The following PIK3C2G variants were observed in gnomAD, a reference collection of about 807,000 sequenced individuals.
PIK3C2G encodes phosphatidylinositol-4-phosphate 3-kinase catalytic subunit type 2 gamma.
In PIK3C2G, 168 loss-of-function variants were observed where a neutral mutation model predicts 181.1. The observed-to-expected ratio is 0.93, with a 90% CI of 0.82 to 1.05. The LOEUF (loss-of-function observed/expected upper bound fraction) is 1.05. Ranked by LOEUF, PIK3C2G falls within the 50% of genes least tolerant of loss-of-function variation. PIK3C2G has a pLI of 0.00. For synonymous variants in PIK3C2G, 573 were observed against 592.2 expected (o/e 0.97, Z 0.47); for missense variants, 1,869 against 1,732.8 (o/e 1.08, Z -1.40).
chr12:18,350,764 A>G lies in PIK3C2G; in HGVS notation c.1625+3928A>G, dbSNP rs570350056. Among the ~76,000 whole-genome samples, 22 of 152,320 alleles carry G rather than the reference A, an allele frequency of 1.4e-4. 1 individual carries two copies. In the South Asian group the frequency reaches 4.6e-3, roughly 32 times the overall value. ...ACATAATGGACTCTGAATCAAGAGC[A>G]TCATTAAATATAAAGTCCTGACATG... On this transcript the variant is annotated intron_variant, in intron 11 of 32. Coordinates refer to ENST00000538779, the MANE Select transcript of PIK3C2G (RefSeq NM_001288772.2).
At chr12:18,325,723 A>AG (rs1555161642) in intron 8 of PIK3C2G, among the ~76,000 whole-genome samples, 15 of 150,966 alleles carry the variant, frequency 9.9e-5, no homozygotes, top group South Asian at 6.3e-4. Flanking sequence ...AAAAAAAAAA[A>AG]AGAGAGAGAG....
At chr12:18,689,207 A>T in the PIK3C2G span, among the ~76,000 whole-genome samples, 1 of 152,134 alleles carries the variant, frequency 6.6e-6, no homozygotes, top group Non-Finnish European at 1.5e-5. Flanking sequence ...GACCCGCTAA[A>T]TATCACTTTA....
the PIK3C2G span, chr12:18,715,827 G>T: frequency 6.6e-6 from 1 of 152,166 alleles, no homozygotes; most frequent in African/African-American, 2.4e-5. Context: ...TTGTTTGTTT[G>T]TTTGTTTAAG....
intron 24 of PIK3C2G, among the ~76,000 whole-genome samples, chr12:18,513,289 A>G (rs1016380362): frequency 2.0e-5 from 3 of 151,794 alleles, no homozygotes; most frequent in African/African-American, 7.2e-5. Flanking sequence ...TGGGTTTGAT[A>G]TCAAGATAAT....
intron 19 of PIK3C2G, among the ~76,000 whole-genome samples, chr12:18,490,810 T>C (rs1210157336): frequency 6.6e-6 from 1 of 152,178 alleles, no homozygotes; most frequent in Non-Finnish European, 1.5e-5. Context: ...TTATTTCCTA[T>C]CTCTTTTGTC....
At chr12:18,474,059 A>T (rs1938725589) in intron 18 of PIK3C2G, among the ~76,000 whole-genome samples, 1 of 152,174 alleles carries the variant, frequency 6.6e-6, no homozygotes, top group African/African-American at 2.4e-5. Flanking sequence ...TAGTATTCAA[A>T]CTGCCTATTT....
intron 5 of PIK3C2G, among the ~76,000 whole-genome samples, chr12:18,295,677 A>ATGTACATGTTAAT (rs1210287126): frequency 6.6e-6 from 1 of 152,004 alleles, no homozygotes; most frequent in African/African-American, 2.4e-5. Flanking sequence ...AAGATAGGAA[A>ATGTACATGTTAAT]GTTGCCAAAT....
chr12:18,570,608 A>G (rs749066446), intron 29 of PIK3C2G, among the ~76,000 whole-genome samples: 4 of 150,330 alleles, frequency 2.7e-5, no homozygotes, highest in Admixed American at 1.3e-4. Flanking sequence ...ATTGCAGTAT[A>G]GGGCATTATC....
At chr12:18,315,376 C>T (rs1950815991) in intron 6 of PIK3C2G, among the ~76,000 whole-genome samples, 1 of 151,964 alleles carries the variant, frequency 6.6e-6, no homozygotes, top group Admixed American at 6.6e-5. Flanking sequence ...ACTTAAGATT[C>T]TTCAAATTGC....
intron 13 of PIK3C2G, 62 bp downstream of exon 13, chr12:18,371,373 T>C: frequency 7.2e-7 from 1 of 1,390,600 alleles, no homozygotes; most frequent in Non-Finnish European, 9.8e-7. Flanking sequence ...TAGAAGTAAA[T>C]ATTTTGGAGT....
At chr12:18,683,596 T>C in the PIK3C2G span, 1 of 1,441,702 alleles carries the variant, frequency 6.9e-7, no homozygotes, top group Non-Finnish European at 9.2e-7. Flanking sequence ...ACCCTTCTGC[T>C]TCAGGAAGAC....
At chr12:18,451,396 G>A (rs947636329) in intron 18 of PIK3C2G, among the ~76,000 whole-genome samples, 1 of 152,082 alleles carries the variant, frequency 6.6e-6, no homozygotes, top group Non-Finnish European at 1.5e-5. Flanking sequence ...TTGCTGTGTA[G>A]GAGTGCTTGC....
At chr12:18,377,023 C>G (rs758439361) in intron 13 of PIK3C2G, among the ~76,000 whole-genome samples, 1 of 152,198 alleles carries the variant, frequency 6.6e-6, no homozygotes, top group Non-Finnish European at 1.5e-5. Flanking sequence ...GCCTACACAA[C>G]AGGGTTCCAG....
chr12:18,290,163 CA>C (rs1949628267), intron 3 of PIK3C2G, among the ~76,000 whole-genome samples: 1 of 152,004 alleles, frequency 6.6e-6, no homozygotes, highest in African/African-American at 2.4e-5. Flanking sequence ...TTTACTTGTT[CA>C]AAAAAATTGG....
chr12:18,265,962 C>T (rs371876442), intron 1 of PIK3C2G, among the ~76,000 whole-genome samples: 3 of 136,132 alleles, frequency 2.2e-5, no homozygotes, highest in Admixed American at 8.4e-5. Flanking sequence ...TGCAGTGAGC[C>T]GAGATCGTGC....
At chr12:18,256,422 T>A (rs1328541060) in intron 1 of PIK3C2G, among the ~76,000 whole-genome samples, 2 of 152,114 alleles carry the variant, frequency 1.3e-5, no homozygotes, top group African/African-American at 4.8e-5. Flanking sequence ...CTCCTTCGGT[T>A]TATGGGTGTC....
the PIK3C2G span, among the ~76,000 whole-genome samples, chr12:18,696,530 T>C: frequency 5.3e-5 from 8 of 151,554 alleles, no homozygotes; most frequent in Non-Finnish European, 1.2e-4. Flanking sequence ...AAGGAAAAAA[T>C]TGATTAGATA....
intron 11 of PIK3C2G, among the ~76,000 whole-genome samples, chr12:18,351,762 C>T (rs983067855): frequency 3.3e-5 from 5 of 152,170 alleles, no homozygotes; most frequent in Non-Finnish European, 5.9e-5. Flanking sequence ...ACTTATAATA[C>T]TTAGTGCAAT....
At chr12:18,526,462 T>C (rs761458983) in intron 24 of PIK3C2G, among the ~76,000 whole-genome samples, 1 of 152,186 alleles carries the variant, frequency 6.6e-6, no homozygotes, top group South Asian at 2.1e-4. Flanking sequence ...GCACCAAGCA[T>C]AGAGCAGAGG....
Sources: allele counts gnomAD v4.1 joint callset (sites outside exome capture counted in the v4.1 genomes callset), GRCh38; gene constraint gnomAD v4.1.1; transcripts MANE v1.5; gene names NCBI Gene and HGNC (gene_info 2026-07-23, HGNC 2026-07-21).